NCKAP1: variants seen among roughly 807,000 people sequenced by gnomAD.
NCKAP1 encodes the protein NCK associated protein 1, also known as nck-associated protein 1.
NCKAP1 carries 21 observed loss-of-function variants against 151.2 expected under a neutral mutation model. The ratio of observed to expected loss-of-function variants is 0.14; its 90% confidence interval spans 0.10 to 0.20. The LOEUF is 0.20. NCKAP1 is among the 10% of genes least tolerant of loss of function. NCKAP1 has a pLI of 1.00. For synonymous variants in NCKAP1, 484 were observed against 451.8 expected (o/e 1.07, Z -0.90); for missense variants, 933 against 1,352.1 (o/e 0.69, Z 4.86).
chr2:182,956,705 T>C, intron 19 of NCKAP1, 112 bp from the exon 20 acceptor site: 1 of 1,117,504 alleles, frequency 8.9e-7, no homozygotes, highest in East Asian at 2.7e-5. Flanking sequence ...AGAATTCGAC[T>C]TTTTATTCTC....
chr2:182,948,392 C>T (rs1051298294), intron 23 of NCKAP1, among the ~76,000 whole-genome samples: 1 of 151,988 alleles, frequency 6.6e-6, no homozygotes, highest in African/African-American at 2.4e-5. Context: ...AAAAAGTCAA[C>T]ATTGTTTACA....
Position 182,923,005 on chromosome 2 carries a change from C to A in NCKAP1, c.*2697G>T, listed in dbSNP as rs1321516464. The A allele has an allele frequency of 1.3e-5, 2 of 152,176 alleles. No individual in the cohort carries two copies. Among genetic ancestry groups the A allele is most frequent in the Non-Finnish European group, 2.9e-5 (2 of 68,038 alleles). The allele number at this position is 152,176 out of a possible 1,614,324, so 9.4% of individuals were successfully genotyped here. A position where few individuals can be genotyped will look rare whatever the true frequency, so the allele number is the denominator to read the frequency against. On this transcript the variant is annotated 3_prime_UTR_variant, in exon 31 of 31. Coordinates refer to ENST00000361354, the MANE Select transcript of NCKAP1 (RefSeq NM_013436.5). Reference sequence around the variant, plus strand: ...CATTTCCTGGGCAACAAGAGTGAAACTCCGTCTCAAGAAGCTGGTTTGTTT... The same window carrying A: ...CATTTCCTGGGCAACAAGAGTGAAAATCCGTCTCAAGAAGCTGGTTTGTTT...
intron 15 of NCKAP1, among the ~76,000 whole-genome samples, chr2:182,968,278 A>G (rs939234187): frequency 2.6e-5 from 4 of 152,224 alleles, no homozygotes; most frequent in Non-Finnish European, 5.9e-5. Context: ...AGTGGCAATA[A>G]GACGGCATTA....
chr2:182,995,004 TACC>T (rs1164574669), intron 7 of NCKAP1, 117 bp from the exon 8 acceptor site: 1 of 763,904 alleles, frequency 1.3e-6, no homozygotes. Flanking sequence ...GCCCAAATAC[TACC>T]ACAACAAATT....
chr2:182,921,892 A>G lies in NCKAP1; in HGVS notation c.*3810T>C, dbSNP rs1264004956. 4 of 152,224 alleles carry G rather than the reference A, an allele frequency of 2.6e-5. No homozygotes were observed. In the South Asian group the frequency reaches 6.2e-4, roughly 24 times the overall value. The allele number at this position is 152,224 out of a possible 1,614,324, so 9.4% of individuals were successfully genotyped here. On this transcript the variant is annotated 3_prime_UTR_variant, in exon 31 of 31. Transcript: ENST00000361354. Reference sequence around the variant, plus strand: ...GTCAATAAATATTAAATTTCCTTCCAATTCCACAGGACCAATTAACGAAAA... The same window carrying G: ...GTCAATAAATATTAAATTTCCTTCCGATTCCACAGGACCAATTAACGAAAA...
intron 23 of NCKAP1, among the ~76,000 whole-genome samples, 160 bp downstream of exon 23, chr2:182,952,245 A>T (rs1374014996): frequency 1.3e-5 from 2 of 152,206 alleles, no homozygotes; most frequent in African/African-American, 4.8e-5. Context: ...CTAAACTAAG[A>T]TGCCATAAAA....
At chr2:182,936,875 G>A (rs189307588) in intron 24 of NCKAP1, among the ~76,000 whole-genome samples, 1 of 152,070 alleles carries the variant, frequency 6.6e-6, no homozygotes, top group East Asian at 1.9e-4. Context: ...ACTAGGTTGG[G>A]TGGCTGAGGC....
intron 22 of NCKAP1, 77 bp from the exon 23 acceptor site, chr2:182,952,579 C>A: frequency 8.5e-7 from 1 of 1,178,536 alleles, no homozygotes; most frequent in Non-Finnish European, 1.2e-6. Context: ...CACAATACAA[C>A]ATCTCATTAT....
At chr2:182,930,661 C>G in intron 27 of NCKAP1, 34 bp downstream of exon 27, 1 of 1,541,434 alleles carries the variant, frequency 6.5e-7, no homozygotes. Context: ...GTAACTTTAA[C>G]TAAGAGTATT....
At chr2:183,009,586 CTCT>C (rs2105882699) in intron 2 of NCKAP1, among the ~76,000 whole-genome samples, 1 of 152,206 alleles carries the variant, frequency 6.6e-6, no homozygotes, top group South Asian at 2.1e-4. Context: ...AAATTGAATC[CTCT>C]TAATACTTTT....
At chr2:182,936,525 A>C (rs989233947) in intron 24 of NCKAP1, among the ~76,000 whole-genome samples, 1 of 152,206 alleles carries the variant, frequency 6.6e-6, no homozygotes, top group Non-Finnish European at 1.5e-5. Flanking sequence ...TATATACATA[A>C]CAAATTTCTG....
intron 15 of NCKAP1, among the ~76,000 whole-genome samples, chr2:182,972,856 A>G (rs764860995): frequency 6.6e-6 from 1 of 152,220 alleles, no homozygotes; most frequent in East Asian, 1.9e-4. Context: ...AATTGATCTC[A>G]TGGACGCAGA....
At chr2:182,942,588 T>C (rs1418200970) in intron 23 of NCKAP1, among the ~76,000 whole-genome samples, 2 of 152,072 alleles carry the variant, frequency 1.3e-5, no homozygotes, top group Non-Finnish European at 2.9e-5. Flanking sequence ...ACTGGATACA[T>C]ACAAGTAGAG....
At chr2:182,986,774 T>C (rs1379092842) in intron 9 of NCKAP1, among the ~76,000 whole-genome samples, 1 of 152,192 alleles carries the variant, frequency 6.6e-6, no homozygotes, top group South Asian at 2.1e-4. Context: ...TTAAGCTATG[T>C]ATTTTTTTAA....
intron 15 of NCKAP1, among the ~76,000 whole-genome samples, chr2:182,975,033 G>A (rs1697776819): frequency 6.6e-6 from 1 of 152,150 alleles, no homozygotes; most frequent in Non-Finnish European, 1.5e-5. Context: ...AATTCTCTGA[G>A]CCCAAGTATT....
chr2:182,935,600 TA>T (rs1292997524), intron 24 of NCKAP1: 2 of 303,840 alleles, frequency 6.6e-6, no homozygotes, highest in Non-Finnish European at 1.2e-5. Flanking sequence ...TCAAATGGAG[TA>T]TATTGTGCTC....
intron 18 of NCKAP1, among the ~76,000 whole-genome samples, chr2:182,958,613 T>C (rs1205950260): frequency 1.3e-5 from 2 of 152,186 alleles, no homozygotes; most frequent in African/African-American, 4.8e-5. Flanking sequence ...GACAGACTTC[T>C]GAGATAAAAT....
rs567743224 is a variant in NCKAP1 at position 183,004,282 on chromosome 2, A to G, written c.220-957T>C. Among the ~76,000 whole-genome samples the G allele has an allele frequency of 2.0e-4, 31 of 152,234 alleles. 1 individual carries two copies. Among genetic ancestry groups the G allele is most frequent in the African/African-American group, 7.2e-4 (30 of 41,540 alleles). On this transcript the variant is annotated intron_variant, in intron 2 of 30. Transcript: ENST00000361354. ...AAAACTGGAAAATATAAGTGGCTCA[A>G]AATAGCAGATTTGCTATCAAAGCCC... is the stretch of plus-strand genomic sequence containing the variant.
chr2:182,936,448 A>G (rs533158260), intron 24 of NCKAP1, among the ~76,000 whole-genome samples: 1 of 152,366 alleles, frequency 6.6e-6, no homozygotes, highest in South Asian at 2.1e-4. Flanking sequence ...ATGGGCTGTC[A>G]TGAAAACTAA....
Sources: gnomAD v4.1 joint callset for allele counts (sites outside exome capture counted in the v4.1 genomes callset) on GRCh38, gnomAD v4.1.1 for gene constraint, MANE v1.5 for transcripts, NCBI Gene and HGNC (gene_info 2026-07-23, HGNC 2026-07-21) for gene names.